R3HDM1: variants seen among roughly 807,000 people sequenced by gnomAD.
R3HDM1 encodes R3H domain containing 1, also known as R3H domain-containing protein 1.
In R3HDM1, 46 loss-of-function variants were observed where a neutral mutation model predicts 141.1. The ratio of observed to expected loss-of-function variants is 0.33; its 90% CI spans 0.26 to 0.42. The LOEUF is 0.42. Among genes scored for constraint, R3HDM1 ranks in the 10% least tolerant of loss-of-function variants. The pLI, the probability that R3HDM1 is intolerant of heterozygous loss-of-function variation, is 1.00. For missense variants in R3HDM1, 1,184 were observed against 1,368.3 expected, an observed-to-expected ratio of 0.87 and a Z score of 2.12; for synonymous variants, 435 against 472.9, an observed-to-expected ratio of 0.92 and a Z score of 1.04.
At chr2:135,655,443 G>C (rs778526720) in intron 18 of R3HDM1, among the ~76,000 whole-genome samples, 1 of 151,924 alleles carries the variant, frequency 6.6e-6, no homozygotes, top group African/African-American at 2.4e-5. Context: ...TTAAAAATGG[G>C]AAGAGTGAGT....
At chr2:135,650,198 T>C (rs912828316) in intron 17 of R3HDM1, 195 bp downstream of exon 17, 2 of 970,208 alleles carry the variant, frequency 2.1e-6, no homozygotes, top group African/African-American at 1.8e-5. Flanking sequence ...TGGCTTATTA[T>C]GGTGATTGTT....
chr2:135,581,086 T>C (rs1706703346), intron 1 of R3HDM1: 1 of 641,212 alleles, frequency 1.6e-6, no homozygotes, highest in Non-Finnish European at 1.9e-6. Context: ...AGACCATCTA[T>C]GGTATGAAGA....
chr2:135,593,888 T>A (rs1381552686), intron 1 of R3HDM1, among the ~76,000 whole-genome samples: 2 of 151,990 alleles, frequency 1.3e-5, no homozygotes, highest in African/African-American at 4.8e-5. Flanking sequence ...CCCAGCTAAT[T>A]TTTGTATTTT....
At chr2:135,709,955 A>G (rs2075425542) in intron 22 of R3HDM1, 104 bp from the exon 23 acceptor site, 1 of 1,238,114 alleles carries the variant, frequency 8.1e-7, no homozygotes, top group African/African-American at 1.5e-5. Flanking sequence ...TAATAGTAAA[A>G]TTTTATTCAG....
intron 17 of R3HDM1, chr2:135,651,410 T>G: frequency 1.0e-6 from 1 of 980,298 alleles, no homozygotes. Flanking sequence ...CCAATTTCAC[T>G]TCTACATTCT....
chr2:135,656,915 G>A (rs528448855), intron 18 of R3HDM1, among the ~76,000 whole-genome samples: 15 of 151,690 alleles, frequency 9.9e-5, no homozygotes, highest in African/African-American at 3.1e-4. Context: ...CCAACGTGGC[G>A]AAACCCCATC....
chr2:135,594,108 C>A (rs911935130), intron 1 of R3HDM1, among the ~76,000 whole-genome samples: 1 of 152,194 alleles, frequency 6.6e-6, no homozygotes, highest in African/African-American at 2.4e-5. Context: ...GGCTTGGTCA[C>A]CTGGGCACCA....
chr2:135,619,840 C>A, intron 5 of R3HDM1: 1 of 469,794 alleles, frequency 2.1e-6, no homozygotes, highest in Non-Finnish European at 2.8e-6. Context: ...CTGATGAGAG[C>A]TTGTGAGAGG....
chr2:135,712,433 T>A (rs2105445083), intron 23 of R3HDM1, among the ~76,000 whole-genome samples: 1 of 149,352 alleles, frequency 6.7e-6, no homozygotes, highest in Admixed American at 6.7e-5. Flanking sequence ...AACTAATTTT[T>A]TTTTTTTTTT....
intron 5 of R3HDM1, among the ~76,000 whole-genome samples, chr2:135,617,313 C>T (rs770516814): frequency 4.7e-5 from 7 of 149,302 alleles, no homozygotes; most frequent in East Asian, 1.9e-4. Flanking sequence ...GGCGACAGAG[C>T]GAGACTCCAT....
At chr2:135,669,308 C>G (rs1198129569) in intron 19 of R3HDM1, 1 of 985,194 alleles carries the variant, frequency 1.0e-6, no homozygotes, top group African/African-American at 1.7e-5. Flanking sequence ...CCCCCAAGTT[C>G]ATGTGGCTAC....
At chr2:135,659,006 C>CA (rs970130375) in intron 18 of R3HDM1, among the ~76,000 whole-genome samples, 1 of 151,094 alleles carries the variant, frequency 6.6e-6, no homozygotes, top group Non-Finnish European at 1.5e-5. Flanking sequence ...CCTATGATAA[C>CA]AATGCCTTCT....
chr2:135,637,533 A>G (rs2063378597), intron 11 of R3HDM1, among the ~76,000 whole-genome samples: 1 of 152,118 alleles, frequency 6.6e-6, no homozygotes, highest in South Asian at 2.1e-4. Flanking sequence ...CTGTAGTCCC[A>G]GCTACTCAGG....
intron 17 of R3HDM1, chr2:135,651,070 G>A (rs1314057009): frequency 4.1e-6 from 4 of 985,092 alleles, no homozygotes; most frequent in Non-Finnish European, 4.8e-6. Flanking sequence ...TGTCTTGGTA[G>A]GGCACCATTT....
intron 21 of R3HDM1, among the ~76,000 whole-genome samples, chr2:135,698,001 C>T (rs577599641): frequency 1.4e-5 from 2 of 144,352 alleles, no homozygotes; most frequent in Non-Finnish European, 3.0e-5. Context: ...TGTAATGAGC[C>T]GAGATGGTGC....
intron 1 of R3HDM1, among the ~76,000 whole-genome samples, chr2:135,577,930 C>T (rs929954048): frequency 1.3e-5 from 2 of 151,440 alleles, no homozygotes; most frequent in African/African-American, 4.9e-5. Context: ...ACAGCTAATT[C>T]TGTGCAAGGC....
intron 15 of R3HDM1, among the ~76,000 whole-genome samples, chr2:135,643,302 T>A (rs957437439): frequency 6.6e-6 from 1 of 152,144 alleles, no homozygotes; most frequent in Non-Finnish European, 1.5e-5. Flanking sequence ...ACACAAATTA[T>A]CAGTATACTA....
Position 135,661,386 on chromosome 2 carries a change from G to C in R3HDM1, c.2145G>C (p.Gln715His), listed in dbSNP as rs1188472027. 6.2e-7 allele frequency: 1 copy of C among 1,613,830 alleles called. No homozygotes were observed. The highest frequency in any genetic ancestry group is 2.2e-5 in the East Asian group (1 of 44,882). ...HLNQPLPQPA[Q>H]QTGYQVIPNQ... is the part of the protein sequence containing the mutation. ...ACCAACCACTGCCACAACCTGCGCA[G>C]CAGACAGGTGAGTTGTGTTTCTTAT... Residue 715 changes from glutamine (Q) to histidine (H), a missense_variant, in exon 19 of 27, where the codon CAG becomes CAC. Around this residue, in one of 5 missense-constraint regions of R3HDM1, gnomAD observed 563 missense variants for 562.0 expected, o/e 1.00. Transcript: ENST00000683871.
At position 135,724,068 on chromosome 2, in the gene R3HDM1, C is replaced by T. The variant is rs766077768; in HGVS notation, c.3181C>T (p.Arg1061Cys). Reference sequence around the variant, plus strand: ...GCTCCGGGACCCCCAGTCCCAACCACGTCGTCACCCCCTCTGCTGTGGCAG... The same window carrying T: ...GCTCCGGGACCCCCAGTCCCAACCATGTCGTCACCCCCTCTGCTGTGGCAG... ...RWLRDPQSQP[R>C]RHPLCCGSGD... The change falls in exon 27 of 27, where the codon CGT becomes TGT. Residue 1061 changes from arginine (R) to cysteine (C), a missense_variant. Arg to Cys is a radical substitution (Grantham distance 180, BLOSUM62 -3). This residue lies in a region of R3HDM1 where 182 missense variants were observed against 252.6 expected (regional missense o/e 0.72). Coordinates refer to ENST00000683871, the MANE Select transcript of R3HDM1 (RefSeq NM_001378107.1). 184 of 1,614,024 alleles carry T rather than the reference C, an allele frequency of 1.1e-4. No homozygotes were observed. In the Admixed American group the frequency reaches 2.6e-3, roughly 23 times the overall value.
Sources: allele counts gnomAD v4.1 joint callset (sites outside exome capture counted in the v4.1 genomes callset), GRCh38; gene constraint gnomAD v4.1.1; regional missense constraint gnomAD v4.1.1; transcripts MANE v1.5; gene names NCBI Gene and HGNC (gene_info 2026-07-23, HGNC 2026-07-21).